Variants in ANKRD17 observed in about 807,000 individuals in gnomAD.
ANKRD17 encodes the protein ankyrin repeat domain 17, also known as ankyrin repeat domain-containing protein 17.
A neutral mutation model predicts 229.7 loss-of-function variants in ANKRD17; 19 were observed. The ratio of observed to expected loss-of-function variants is 0.08; its 90% CI spans 0.06 to 0.12. The LOEUF is 0.12. Among genes scored for constraint, ANKRD17 ranks in the 10% least tolerant of loss-of-function variants. The probability of loss-of-function intolerance (pLI) is 1.00; values close to 1 mark genes in which losing one functional copy is unlikely to be tolerated. For synonymous variants in ANKRD17, 1,112 were observed against 1,146.1 expected (o/e 0.97, Z 0.60); for missense variants, 2,176 against 3,176.8 (o/e 0.68, Z 7.57).
intron 24 of ANKRD17, among the ~76,000 whole-genome samples, chr4:73,106,765 G>A (rs1423963591): frequency 1.3e-5 from 2 of 151,190 alleles, no homozygotes; most frequent in South Asian, 2.1e-4. Context: ...TGTAGTCCCA[G>A]CTACTCGGCA....
chr4:73,187,445 GGGAACATAA>G (rs1226599746), intron 1 of ANKRD17, among the ~76,000 whole-genome samples: 2 of 152,170 alleles, frequency 1.3e-5, no homozygotes, highest in Non-Finnish European at 2.9e-5. Context: ...TCTGTTGGCA[GGGAACATAA>G]GGCCGAGTCA....
At chr4:73,230,926 T>C (rs1742984881) in intron 1 of ANKRD17, among the ~76,000 whole-genome samples, 1 of 152,186 alleles carries the variant, frequency 6.6e-6, no homozygotes, top group Non-Finnish European at 1.5e-5. Context: ...TGATAAAATA[T>C]TTATTGTTTA....
chr4:73,176,855 C>T (rs1734800328), intron 2 of ANKRD17, among the ~76,000 whole-genome samples: 1 of 151,940 alleles, frequency 6.6e-6, no homozygotes, highest in South Asian at 2.1e-4. Context: ...TATGTACCCA[C>T]AAAAATTAAA....
Position 73,091,690 on chromosome 4 carries a change from C to T in ANKRD17, c.5938G>A (p.Val1980Met). The T allele has an allele frequency of 3.1e-6, 5 of 1,614,154 alleles. No homozygotes were observed. The highest frequency in any genetic ancestry group is 3.4e-6 in the Non-Finnish European group (4 of 1,180,036). Residue 1980 changes from valine (V) to methionine (M), a missense_variant, in exon 29 of 34, where the codon GTG becomes ATG. Physicochemically the swap from Val to Met is conservative, Grantham distance 21. Coordinates refer to ENST00000358602, the MANE Select transcript of ANKRD17 (RefSeq NM_032217.5). ...CTGCCATTTGTAGATGTACCAGGCA[C>T]CGTTGAAGCTGATGAACTGGTTGTA... is the stretch of plus-strand genomic sequence containing the variant. ...TTTTSSSAST[V>M]PGTSTNGSPS...
At chr4:73,134,899 C>T (rs897818635) in intron 16 of ANKRD17, among the ~76,000 whole-genome samples, 12 of 151,916 alleles carry the variant, frequency 7.9e-5, no homozygotes, top group African/African-American at 2.9e-4. Flanking sequence ...AAAAAGGTTA[C>T]CTGATGACCT....
At chr4:73,180,226 A>G (rs1439644409) in intron 1 of ANKRD17, among the ~76,000 whole-genome samples, 1 of 152,146 alleles carries the variant, frequency 6.6e-6, no homozygotes, top group African/African-American at 2.4e-5. Context: ...AATAATATAA[A>G]AGGATTTTGA....
chr4:73,118,109 C>G (rs1005170078), intron 22 of ANKRD17, among the ~76,000 whole-genome samples: 2 of 152,012 alleles, frequency 1.3e-5, no homozygotes, highest in Non-Finnish European at 2.9e-5. Flanking sequence ...CTTTGCCTCT[C>G]AGGCTCAAGC....
intron 33 of ANKRD17, among the ~76,000 whole-genome samples, chr4:73,076,579 A>G (rs1721026333): frequency 6.6e-6 from 1 of 152,156 alleles, no homozygotes; most frequent in Admixed American, 6.5e-5. Flanking sequence ...AAAATATACA[A>G]CCATTTATGT....
intron 18 of ANKRD17, among the ~76,000 whole-genome samples, chr4:73,124,624 C>T (rs1444061148): frequency 6.6e-6 from 1 of 152,102 alleles, no homozygotes; most frequent in African/African-American, 2.4e-5. Flanking sequence ...TGAATATAGG[C>T]CCTGTACATT....
chr4:73,078,887 G>C lies in ANKRD17; in HGVS notation c.7163C>G (p.Ser2388Cys), dbSNP rs762185794. The C allele has an allele frequency of 6.2e-7, 1 of 1,611,324 alleles. No individual in the cohort carries two copies. ...TCCCGAGGATACTGACTGTGCAGAA[G>C]AATCTAGAGAAGAGATATTTTGAAA... ...LTPCSSASNDSSAQSVSSGVR... is the reference protein window; with the variant it reads ...LTPCSSASNDCSAQSVSSGVR... The change falls in exon 31 of 34, where the codon TCT (serine) becomes TGT (cysteine). Residue 2388 changes from serine (S) to cysteine (C), a missense_variant. By Grantham distance (112) the Ser-to-Cys change is moderately radical. Around this residue, in one of 18 missense-constraint regions of ANKRD17, gnomAD observed 87 missense variants for 116.0 expected, o/e 0.75. Transcript: ENST00000358602.
intron 7 of ANKRD17, among the ~76,000 whole-genome samples, chr4:73,149,943 C>T (rs1007369283): frequency 6.6e-6 from 1 of 152,176 alleles, no homozygotes. Flanking sequence ...TAATTACTGG[C>T]AACTTCAAGG....
At chr4:73,147,971 C>T (rs1339372579) in intron 8 of ANKRD17, among the ~76,000 whole-genome samples, 1 of 152,074 alleles carries the variant, frequency 6.6e-6, no homozygotes, top group Non-Finnish European at 1.5e-5. Context: ...TTAACAGGCA[C>T]TACATGACAA....
At position 73,114,469 on chromosome 4, in the gene ANKRD17, G is replaced by A. The variant is rs114170950; in HGVS notation, c.4285-561C>T. 2.9e-3 allele frequency among the ~76,000 whole-genome samples: 443 copies of A among 152,072 alleles called. 5 individuals carry two copies. The highest frequency in any genetic ancestry group is 9.5e-3 in the African/African-American group (395 of 41,498). ...AAATTTTTATTTATTTAATTTTAGA[G>A]ATAGGGGCTTGCCATGTTGCCCAGG... On this transcript the variant is annotated intron_variant, in intron 23 of 33. Transcript: ENST00000358602.
At chr4:73,252,980 T>C (rs1046385065) in intron 1 of ANKRD17, among the ~76,000 whole-genome samples, 1 of 152,208 alleles carries the variant, frequency 6.6e-6, no homozygotes, top group African/African-American at 2.4e-5. Context: ...ACAAGCCGAA[T>C]GTGCCAATAT....
At position 73,211,538 on chromosome 4, in the gene ANKRD17, G is replaced by A. The variant is rs185949791; in HGVS notation, c.394-34005C>T. Among the ~76,000 whole-genome samples the A allele has an allele frequency of 1.3e-4, 20 of 152,188 alleles. No homozygotes were observed. In the East Asian group the frequency reaches 3.5e-3, roughly 26 times the overall value. On this transcript the variant is annotated intron_variant, in intron 1 of 33. Transcript: ENST00000358602. The stretch of plus-strand genomic sequence containing the variant: ...AACTTTTTGTTTAGTAGTTATTGGA[G>A]CCACTACCTTAAGAAATCTAATTGT...
In ANKRD17 at chr4:73,091,765, T is replaced by A. The variant is rs1722819951; in HGVS notation, c.5863A>T (p.Ser1955Cys). The A allele has an allele frequency of 6.2e-7, 1 of 1,614,056 alleles. No individual in the cohort carries two copies. The highest frequency in any genetic ancestry group is 1.1e-5 in the South Asian group (1 of 91,086). The change falls in exon 29 of 34, where the codon AGT becomes TGT. Residue 1955 changes from serine to cysteine, a missense_variant. Coordinates refer to ENST00000358602, the MANE Select transcript of ANKRD17 (RefSeq NM_032217.5). Reference sequence around the variant, plus strand: ...CCTGCTGAATTCACCTGAGAACCACTGCTATTCTGATTGCTATGGCGAGGC... The same window carrying A: ...CCTGCTGAATTCACCTGAGAACCACAGCTATTCTGATTGCTATGGCGAGGC... ...MVPRHSNQNS[S>C]GSQVNSAGSL...
rs1724161506 is a variant in ANKRD17 at position 73,102,745 on chromosome 4, A to C, written c.4402-198T>G. 17 of 532,354 alleles carry C rather than the reference A, an allele frequency of 3.2e-5. No homozygotes were observed. In the South Asian group the frequency reaches 4.9e-4, roughly 15 times the overall value. 33.0% of individuals were successfully genotyped at this position (532,354 alleles called of 1,614,324 possible). On this transcript the variant is annotated intron_variant, in intron 24 of 33. Transcript: ENST00000358602. ...TTTACAATATCAAGATCAAATTAACAATATAAGACTAATTTTAAAATGGGT... is the reference window on the plus strand; with the variant it reads ...TTTACAATATCAAGATCAAATTAACCATATAAGACTAATTTTAAAATGGGT...
At chr4:73,125,745 AAAAAG>A (rs71215488) in intron 16 of ANKRD17, among the ~76,000 whole-genome samples, 17 of 144,474 alleles carry the variant, frequency 1.2e-4, no homozygotes, top group East Asian at 1.0e-3. Flanking sequence ...AAAAAAAAAA[AAAAAG>A]AAAAGAAAAG....
At chr4:73,217,990 T>C (rs1416107713) in intron 1 of ANKRD17, among the ~76,000 whole-genome samples, 5 of 152,170 alleles carry the variant, frequency 3.3e-5, no homozygotes, top group Admixed American at 3.3e-4. Context: ...AGTATGTGTG[T>C]GTATGTTTGT....
Sources: allele counts gnomAD v4.1 joint callset (sites outside exome capture counted in the v4.1 genomes callset), GRCh38; gene constraint gnomAD v4.1.1; regional missense constraint gnomAD v4.1.1; transcripts MANE v1.5; gene names NCBI Gene and HGNC (gene_info 2026-07-23, HGNC 2026-07-21).